The following CASK variants were observed in gnomAD, a reference collection of about 807,000 sequenced individuals.
The protein encoded by CASK is calcium/calmodulin dependent serine protein kinase.
A neutral mutation model predicts 82.9 loss-of-function variants in CASK; 4 were observed. The ratio of observed to expected loss-of-function variants is 0.05; its 90% CI spans 0.02 to 0.11. The LOEUF (loss-of-function observed/expected upper bound fraction) is 0.11, where lower values mean the gene tolerates loss of function less well. Ranked by LOEUF, CASK falls within the 10% of genes least tolerant of loss-of-function variation. The pLI is 1.00. For synonymous variants in CASK, 259 were observed against 253.5 expected, an observed-to-expected ratio of 1.02 and a Z score of -0.20; for missense variants, 358 against 720.9, an observed-to-expected ratio of 0.50 and a Z score of 5.76.
At chrX:41,734,860 A>G (rs1403595275) in intron 5 of CASK, among the ~76,000 whole-genome samples, 2 of 111,501 alleles carry the variant, frequency 1.8e-5, no homozygotes, top group Non-Finnish European at 3.8e-5. Context: ...ATGTTCACAC[A>G]TCTCTCGAAT....
chrX:41,534,646 T>G, intron 24 of CASK, 60 bp downstream of exon 24: 1 of 903,073 alleles, frequency 1.1e-6, no homozygotes, highest in Non-Finnish European at 1.6e-6. Context: ...AATACATAAA[T>G]TATAGAGTTA....
At chrX:41,830,622 C>T (rs1377299456) in intron 2 of CASK, among the ~76,000 whole-genome samples, 4 of 107,463 alleles carry the variant, frequency 3.7e-5, no homozygotes, top group Non-Finnish European at 7.7e-5. Context: ...AGATCGAGAC[C>T]ATCCTGGCTA....
rs138469807 is a variant in CASK, at chrX:41,682,398, C to G, written c.430-10868G>C. Among the ~76,000 whole-genome samples, 270 of 107,427 alleles carry G rather than the reference C, an allele frequency of 2.5e-3. 1 individual carries two copies. Among genetic ancestry groups the G allele is most frequent in the African/African-American group, 8.7e-3 (258 of 29,537 alleles). The allele number at this position is 107,427 out of a possible 115,157, so 93.3% of individuals were successfully genotyped here. A position where few individuals can be genotyped will look rare whatever the true frequency, so the allele number is the denominator to read the frequency against. On this transcript the variant is annotated intron_variant, in intron 5 of 26. Coordinates refer to ENST00000378163, the MANE Select transcript of CASK (RefSeq NM_001367721.1). ...CGAAACCTTATCTCTACTAAAAATA[C>G]AAAAATTAGCCCAGCATGGTAGCGC...
intron 2 of CASK, among the ~76,000 whole-genome samples, chrX:41,834,346 T>C (rs1029963774): frequency 4.5e-5 from 5 of 111,912 alleles, no homozygotes; most frequent in African/African-American, 1.3e-4. Context: ...AAGGAGAACT[T>C]CTATGTCCAT....
chrX:41,802,864 C>T (rs1022668978), intron 2 of CASK, among the ~76,000 whole-genome samples: 1 of 111,164 alleles, frequency 9.0e-6, no homozygotes, highest in African/African-American at 3.3e-5. Context: ...TAAACTTTCA[C>T]CCATATGCTA....
chrX:41,880,234 C>T (rs2071922802), intron 1 of CASK, among the ~76,000 whole-genome samples: 1 of 111,729 alleles, frequency 9.0e-6, no homozygotes, highest in African/African-American at 3.2e-5. Context: ...ACAGGTAGCA[C>T]AAAGAGGGCT....
chrX:41,831,905 G>C (rs987414894), intron 2 of CASK, among the ~76,000 whole-genome samples: 3 of 111,412 alleles, frequency 2.7e-5, no homozygotes, highest in Non-Finnish European at 5.6e-5. Context: ...AGGTTGCAGC[G>C]AGCTGAGATC....
intron 1 of CASK, among the ~76,000 whole-genome samples, chrX:41,886,190 T>C (rs1463987139): frequency 8.9e-6 from 1 of 111,762 alleles, no homozygotes; most frequent in Admixed American, 9.5e-5. Context: ...ATAAATGTAA[T>C]TGAAGCTTCA....
At chrX:41,581,268 C>T (rs2065573812) in intron 14 of CASK, among the ~76,000 whole-genome samples, 1 of 110,346 alleles carries the variant, frequency 9.1e-6, no homozygotes, top group Admixed American at 9.7e-5. Flanking sequence ...GTAGTCCCAG[C>T]TACTTGGGAG....
At chrX:41,726,592 T>G (rs1481945129) in intron 5 of CASK, among the ~76,000 whole-genome samples, 1 of 112,431 alleles carries the variant, frequency 8.9e-6, no homozygotes, top group East Asian at 2.8e-4. Context: ...CGCAAAATAC[T>G]TCTGTAATAC....
intron 5 of CASK, among the ~76,000 whole-genome samples, chrX:41,731,736 A>G (rs1224309108): frequency 9.0e-6 from 1 of 110,850 alleles, no homozygotes; most frequent in Non-Finnish European, 1.9e-5. Context: ...AGAACTGGCT[A>G]TTTAATGGCA....
intron 5 of CASK, among the ~76,000 whole-genome samples, chrX:41,678,831 C>G (rs891076076): frequency 1.8e-5 from 2 of 111,218 alleles, no homozygotes; most frequent in Non-Finnish European, 3.8e-5. Context: ...AAATATCTAT[C>G]TCTTTATCCT....
chrX:41,700,406 T>C (rs927663673), intron 5 of CASK, among the ~76,000 whole-genome samples: 1 of 110,763 alleles, frequency 9.0e-6, no homozygotes, highest in Non-Finnish European at 1.9e-5. Context: ...GGGCTAATTA[T>C]TTTTTAGGTT....
chrX:41,738,176 T>C (rs1309798671), intron 5 of CASK, among the ~76,000 whole-genome samples: 2 of 112,577 alleles, frequency 1.8e-5, no homozygotes, highest in Admixed American at 9.4e-5. Context: ...GGTTTCACCA[T>C]GTTGGCCAGG....
At chrX:41,548,726 T>C (rs2065055730) in intron 21 of CASK, among the ~76,000 whole-genome samples, 1 of 111,879 alleles carries the variant, frequency 8.9e-6, no homozygotes, top group Non-Finnish European at 1.9e-5. Context: ...ACAAACAGAA[T>C]TGAGGAATTT....
chrX:41,555,630 C>T lies in CASK; in HGVS notation c.1812G>A (p.Leu604=). ...GTCCTTTTGGTTGGGTAGTTGATGG[C>T]AAGTCCTGTAGAATAAAGCCAACCC... ...HSSTNNSVSD[L]PSTTQPKGRQ... The change falls in exon 20 of 27, where the codon TTG becomes TTA. Residue 604 remains leucine (L), a synonymous_variant. Transcript: ENST00000378163. 6.7e-6 allele frequency: 8 copies of T among 1,201,769 alleles called. No homozygotes were observed. The highest frequency in any genetic ancestry group is 9.0e-6 in the Non-Finnish European group (8 of 886,872).
chrX:41,716,075 C>T (rs765878727), intron 5 of CASK, among the ~76,000 whole-genome samples: 12 of 112,266 alleles, frequency 1.1e-4, no homozygotes, highest in African/African-American at 2.9e-4. Context: ...ACCATTTCTT[C>T]AGGCCAAAGA....
intron 5 of CASK, chrX:41,695,593 T>C: frequency 2.1e-6 from 2 of 942,095 alleles, no homozygotes; most frequent in Non-Finnish European, 3.0e-6. Context: ...ATGAGGAATA[T>C]GTCATTTAGC....
At chrX:41,739,283 A>T (rs900748649) in intron 5 of CASK, 101 bp downstream of exon 5, 2 of 583,953 alleles carry the variant, frequency 3.4e-6, no homozygotes, top group Non-Finnish European at 5.8e-6. Flanking sequence ...AAGTAAAATT[A>T]AGATGTTCTT....
Sources: allele counts gnomAD v4.1 joint callset (sites outside exome capture counted in the v4.1 genomes callset), GRCh38; gene constraint gnomAD v4.1.1; transcripts MANE v1.5; gene names NCBI Gene and HGNC (gene_info 2026-07-23, HGNC 2026-07-21).